The following ACP3 variants were observed in gnomAD, a reference collection of about 807,000 sequenced individuals.
The protein encoded by ACP3 is acid phosphatase 3.
Under a neutral mutation model 45.6 loss-of-function variants are expected in ACP3, and 38 were observed. The observed-to-expected ratio is 0.83, with a 90% CI of 0.64 to 1.09. The LOEUF (loss-of-function observed/expected upper bound fraction) is 1.09. Ranked by LOEUF, ACP3 falls within the 50% of genes least tolerant of loss-of-function variation. The pLI, the probability that ACP3 is intolerant of heterozygous loss-of-function variation, is 0.00. For synonymous variants in ACP3, 162 were observed against 164.7 expected (o/e 0.98, Z 0.13); for missense variants, 466 against 463.2 (o/e 1.01, Z -0.05).
chr3:132,320,652 GTTT>G (rs5852699), intron 1 of ACP3, among the ~76,000 whole-genome samples: 2 of 133,042 alleles, frequency 1.5e-5, no homozygotes, highest in Non-Finnish European at 3.2e-5. Flanking sequence ...ATATTCTTGG[GTTT>G]TTTTTTTTTT....
intron 8 of ACP3, among the ~76,000 whole-genome samples, chr3:132,352,377 T>C (rs1289965407): frequency 6.6e-6 from 1 of 150,410 alleles, no homozygotes; most frequent in Admixed American, 6.6e-5. Context: ...TTTTTTTTTT[T>C]AGTAGGGATG....
At chr3:132,346,368 G>A (rs1937608876) in intron 7 of ACP3, among the ~76,000 whole-genome samples, 1 of 152,184 alleles carries the variant, frequency 6.6e-6, no homozygotes, top group Non-Finnish European at 1.5e-5. Context: ...AAAAATTTAG[G>A]ACAGTGGCCA....
At chr3:132,355,200 T>C (rs919953329) in intron 9 of ACP3, among the ~76,000 whole-genome samples, 1 of 152,180 alleles carries the variant, frequency 6.6e-6, no homozygotes, top group African/African-American at 2.4e-5. Flanking sequence ...ACGTCAGCCT[T>C]TTAAAGGGGA....
chr3:132,358,603 A>C lies in ACP3; in HGVS notation c.*1725A>C. 1 of 1,085,346 alleles carries C rather than the reference A, an allele frequency of 9.2e-7. No individual in the cohort carries two copies. Among genetic ancestry groups the C allele is most frequent in the Non-Finnish European group, 1.1e-6 (1 of 878,534 alleles). The allele number at this position is 1,085,346 out of a possible 1,614,324, so 67.2% of individuals were successfully genotyped here. ...GCCATCCCCGCTCCTGGTTGGTCAC[A>C]GAATGACTGACAAAGACATCGATTG... On this transcript the variant is annotated 3_prime_UTR_variant, in exon 10 of 10. Transcript: ENST00000336375.
At chr3:132,355,611 A>G (rs1032935533) in intron 9 of ACP3, among the ~76,000 whole-genome samples, 2 of 151,872 alleles carry the variant, frequency 1.3e-5, no homozygotes, top group Admixed American at 6.6e-5. Context: ...TCCACCTCCC[A>G]GGTTCAAGTG....
chr3:132,361,063 A>G (rs567763217), downstream of ACP3, among the ~76,000 whole-genome samples: 17 of 152,346 alleles, frequency 1.1e-4, no homozygotes, highest in African/African-American at 3.8e-4. Flanking sequence ...AGACCCAATC[A>G]TTGGCCATAA....
At chr3:132,353,695 C>T (rs960923505) in intron 9 of ACP3, among the ~76,000 whole-genome samples, 4 of 152,186 alleles carry the variant, frequency 2.6e-5, no homozygotes, top group African/African-American at 9.7e-5. Flanking sequence ...TGTGCAGTTA[C>T]ATGGGGACCT....
At chr3:132,360,842 T>C (rs986738856), downstream of ACP3, among the ~76,000 whole-genome samples, 3 of 152,224 alleles carry the variant, frequency 2.0e-5, no homozygotes, top group Non-Finnish European at 4.4e-5. Context: ...GCAGGATCCA[T>C]ACATGTTTCC....
intron 1 of ACP3, among the ~76,000 whole-genome samples, chr3:132,325,391 A>T (rs1430413241): frequency 2.0e-5 from 3 of 152,184 alleles, no homozygotes; most frequent in African/African-American, 7.2e-5. Context: ...GGCCAGAGTG[A>T]GAAAGTTTGC....
At chr3:132,358,948 T>A, downstream of ACP3, 1 of 917,080 alleles carries the variant, frequency 1.1e-6, no homozygotes, top group Non-Finnish European at 1.3e-6. Context: ...ATTGAAAATA[T>A]AGTTTGGACT....
downstream of ACP3, among the ~76,000 whole-genome samples, chr3:132,363,440 A>G (rs1242128103): frequency 1.3e-5 from 2 of 152,198 alleles, no homozygotes; most frequent in Non-Finnish European, 2.9e-5. Context: ...CCTTGACCAC[A>G]GCTCCTCCCT....
intron 6 of ACP3, 28 bp from the exon 7 acceptor site, chr3:132,344,899 C>A (rs762872737): frequency 1.2e-6 from 2 of 1,610,198 alleles, no homozygotes; most frequent in Admixed American, 1.7e-5. Context: ...AATACACATA[C>A]ATTTTTCTTC....
chr3:132,317,668 T>C (rs867007870), intron 1 of ACP3, 92 bp downstream of exon 1: 2 of 1,408,990 alleles, frequency 1.4e-6, no homozygotes, highest in Middle Eastern at 3.7e-4. Flanking sequence ...TATCCTTGGA[T>C]TGTTTCCCAG....
chr3:132,348,080 G>A (rs796295832), intron 7 of ACP3, among the ~76,000 whole-genome samples: 27 of 152,038 alleles, frequency 1.8e-4, no homozygotes, highest in African/African-American at 6.3e-4. Context: ...TGCTACCACC[G>A]CAGAGCTGAG....
chr3:132,335,261 T>G (rs1343863602), intron 4 of ACP3, among the ~76,000 whole-genome samples: 1 of 152,226 alleles, frequency 6.6e-6, no homozygotes, highest in Non-Finnish European at 1.5e-5. Flanking sequence ...GTGGTGCTTT[T>G]GGGCACTTGC....
At chr3:132,363,496 A>C (rs1014763768), downstream of ACP3, among the ~76,000 whole-genome samples, 6 of 152,190 alleles carry the variant, frequency 3.9e-5, no homozygotes, top group African/African-American at 1.4e-4. Context: ...ATTCTACTGC[A>C]TCTCTTGAAT....
chr3:132,326,411 C>A (rs761237644), intron 1 of ACP3, among the ~76,000 whole-genome samples: 4 of 152,150 alleles, frequency 2.6e-5, no homozygotes, highest in African/African-American at 9.7e-5. Flanking sequence ...ATAATCATTT[C>A]TGATCATGAC....
intron 1 of ACP3, among the ~76,000 whole-genome samples, chr3:132,320,692 C>G (rs1180755093): frequency 6.6e-6 from 1 of 151,320 alleles, no homozygotes; most frequent in Non-Finnish European, 1.5e-5. Flanking sequence ...ACTCTGTCGC[C>G]CAGGCTGGAG....
Position 132,356,774 on chromosome 3 carries a change from C to T in ACP3, c.1057C>T (p.Leu353=). Residue 353 remains leucine, a synonymous_variant, in exon 10 of 10, where the codon CTG becomes TTG. Transcript: ENST00000336375. ...ACCTGGCTGCAGCCCCAGCTGTCCT[C>T]TGGAGAGGTTTGCTGAGCTGGTTGG... is the stretch of plus-strand genomic sequence containing the variant. ...MLPGCSPSCP[L]ERFAELVGPV... is the part of the protein sequence containing the mutation. 1 of 1,614,194 alleles carries T rather than the reference C, an allele frequency of 6.2e-7. No individual in the cohort carries two copies. Among genetic ancestry groups the T allele is most frequent in the Non-Finnish European group, 8.5e-7 (1 of 1,180,034 alleles).
Sources: allele counts gnomAD v4.1 joint callset (sites outside exome capture counted in the v4.1 genomes callset), GRCh38; gene constraint gnomAD v4.1.1; transcripts MANE v1.5; gene names NCBI Gene and HGNC (gene_info 2026-07-23, HGNC 2026-07-21).